OXSR1: variants seen among roughly 807,000 people sequenced by gnomAD.
OXSR1 encodes the protein serine/threonine-protein kinase OSR1.
Under a neutral mutation model 79.8 loss-of-function variants are expected in OXSR1, and 24 were observed. The observed-to-expected ratio is 0.30, with a 90% confidence interval of 0.22 to 0.42. The LOEUF is 0.42. Ranked by LOEUF, OXSR1 falls within the 10% of genes least tolerant of loss-of-function variation. The probability of loss-of-function intolerance (pLI) is 1.00; values close to 1 mark genes in which losing one functional copy is unlikely to be tolerated. For synonymous variants in OXSR1, 226 were observed against 209.2 expected, an observed-to-expected ratio of 1.08 and a Z score of -0.69; for missense variants, 430 against 618.4, an observed-to-expected ratio of 0.70 and a Z score of 3.23.
intron 4 of OXSR1, among the ~76,000 whole-genome samples, chr3:38,208,959 A>T (rs1250911837): frequency 6.8e-6 from 1 of 146,876 alleles, no homozygotes; most frequent in Non-Finnish European, 1.5e-5. Context: ...CCAGTTAAGG[A>T]GTGTGTGTGT....
At chr3:38,204,229 G>A (rs1182670980) in intron 4 of OXSR1, among the ~76,000 whole-genome samples, 6 of 152,108 alleles carry the variant, frequency 3.9e-5, no homozygotes, top group Non-Finnish European at 7.4e-5. Flanking sequence ...TCTCCCTTCA[G>A]GGCAGCTGGC....
At chr3:38,212,483 G>C (rs563612676) in intron 4 of OXSR1, among the ~76,000 whole-genome samples, 1 of 152,282 alleles carries the variant, frequency 6.6e-6, no homozygotes, top group South Asian at 2.1e-4. Flanking sequence ...GGCTGTGACA[G>C]AAATGTTGGA....
At chr3:38,168,548 G>A in intron 1 of OXSR1, among the ~76,000 whole-genome samples, 1 of 152,018 alleles carries the variant, frequency 6.6e-6, no homozygotes. Flanking sequence ...AGATTTACCT[G>A]ATTAAAATGT....
In OXSR1 at chr3:38,251,443, C is replaced by A; in HGVS notation, c.1416C>A (p.Gly472=). 1 of 1,613,396 alleles carries A rather than the reference C, an allele frequency of 6.2e-7. No individual in the cohort carries two copies. Among genetic ancestry groups the A allele is most frequent in the Non-Finnish European group, 8.5e-7 (1 of 1,179,412 alleles). ...EGVSQELISA[G]LVDGRDLVIV... Reference sequence around the variant, plus strand: ...TCTCTCAGGAACTCATTTCTGCTGGCCTGGTCGACGGAAGGGATTTAGTAA... The same window carrying A: ...TCTCTCAGGAACTCATTTCTGCTGGACTGGTCGACGGAAGGGATTTAGTAA... The change falls in exon 16 of 18, where the codon GGC becomes GGA. Residue 472 remains glycine (G), a synonymous_variant. Transcript: ENST00000311806.
Position 38,166,265 on chromosome 3 carries a change from C to G in OXSR1, c.70+319C>G, listed in dbSNP as rs538983124. Among the ~76,000 whole-genome samples, 6 of 152,194 alleles carry G rather than the reference C, an allele frequency of 3.9e-5. No individual in the cohort carries two copies. The East Asian group carries it at 1.2e-3, about 30-fold the overall frequency. On this transcript the variant is annotated intron_variant, in intron 1 of 17. Coordinates refer to ENST00000311806, the MANE Select transcript of OXSR1 (RefSeq NM_005109.3). ...AGAGAAAGAAAGTGCAGGTGTGGGA[C>G]AGGCCTTTCCGAGGCTGTGTGAGAA...
rs548402335 is a variant in OXSR1, at chr3:38,209,931, C to A, written c.435-6165C>A. Reference sequence around the variant, plus strand: ...GCCACCGTGCCCCGGCCAAGAAGTTCTTTTAACATTTCTTGCAAGGCAGGT... The same window carrying A: ...GCCACCGTGCCCCGGCCAAGAAGTTATTTTAACATTTCTTGCAAGGCAGGT... On this transcript the variant is annotated intron_variant, in intron 4 of 17. Transcript: ENST00000311806. Among the ~76,000 whole-genome samples the A allele has an allele frequency of 2.0e-5, 3 of 152,290 alleles. No individual in the cohort carries two copies. In the East Asian group the frequency reaches 5.8e-4, roughly 29 times the overall value.
intron 2 of OXSR1, among the ~76,000 whole-genome samples, chr3:38,183,948 G>A (rs1446460943): frequency 1.3e-5 from 2 of 152,024 alleles, no homozygotes; most frequent in Admixed American, 6.6e-5. Flanking sequence ...ACTTGCTTTG[G>A]ATACCTTTTG....
intron 1 of OXSR1, among the ~76,000 whole-genome samples, chr3:38,181,015 C>G (rs1464860230): frequency 6.6e-6 from 1 of 152,074 alleles, no homozygotes; most frequent in African/African-American, 2.4e-5. Flanking sequence ...CATTCACAGG[C>G]TTTGGGGATT....
At position 38,236,112 on chromosome 3, in the gene OXSR1, G is replaced by A. The variant is rs1171359999; in HGVS notation, c.952-727G>A. ...CTACAGGGGAAATAGAAGTGGTAAT[G>A]TATGATAAGGTTCAGCTCTGAATAT... On this transcript the variant is annotated intron_variant, in intron 10 of 17. Transcript: ENST00000311806. Among the ~76,000 whole-genome samples the A allele has an allele frequency of 3.3e-5, 5 of 152,202 alleles. No homozygotes were observed. The East Asian group carries it at 9.6e-4, about 29-fold the overall frequency.
chr3:38,180,542 T>C (rs1701764787), intron 1 of OXSR1, among the ~76,000 whole-genome samples: 1 of 147,318 alleles, frequency 6.8e-6, no homozygotes, highest in Admixed American at 6.8e-5. Flanking sequence ...TTTTTTTTTT[T>C]TTTTTTTGAG....
At chr3:38,205,059 C>T (rs1416735458) in intron 4 of OXSR1, among the ~76,000 whole-genome samples, 2 of 152,188 alleles carry the variant, frequency 1.3e-5, no homozygotes, top group Admixed American at 6.5e-5. Flanking sequence ...GTGCTGGCTG[C>T]GTTCTGCCTG....
chr3:38,210,081 A>T (rs1419070483), intron 4 of OXSR1, among the ~76,000 whole-genome samples: 1 of 151,602 alleles, frequency 6.6e-6, no homozygotes, highest in Non-Finnish European at 1.5e-5. Context: ...GACACTTTAA[A>T]CAGTTCACTC....
At chr3:38,213,422 G>A (rs551050680) in intron 4 of OXSR1, among the ~76,000 whole-genome samples, 3 of 152,060 alleles carry the variant, frequency 2.0e-5, no homozygotes, top group East Asian at 1.9e-4. Context: ...CAAAGAAAAC[G>A]TGAAAAACTG....
At position 38,186,398 on chromosome 3, in the gene OXSR1, G is replaced by A. The variant is rs528085812; in HGVS notation, c.183+3283G>A. Among the ~76,000 whole-genome samples, 255 of 151,820 alleles carry A rather than the reference G, an allele frequency of 1.7e-3. 3 individuals are homozygous for A. The highest frequency in any genetic ancestry group is 1.8e-3 in the Non-Finnish European group (123 of 67,932). On this transcript the variant is annotated intron_variant, in intron 2 of 17. Transcript: ENST00000311806. ...TAATGCTATGGTTTTTAGTTTATTCGCAAAGTTGTGCAACCATCACCACTA... is the reference window on the plus strand; with the variant it reads ...TAATGCTATGGTTTTTAGTTTATTCACAAAGTTGTGCAACCATCACCACTA...
At chr3:38,224,340 GAAT>G (rs1172979439) in intron 7 of OXSR1, among the ~76,000 whole-genome samples, 2 of 152,308 alleles carry the variant, frequency 1.3e-5, no homozygotes, top group South Asian at 2.1e-4. Flanking sequence ...TTTTAAGGCT[GAAT>G]AATATCCATT....
chr3:38,202,219 G>T (rs1434528481), intron 4 of OXSR1, among the ~76,000 whole-genome samples: 1 of 152,106 alleles, frequency 6.6e-6, no homozygotes, highest in Non-Finnish European at 1.5e-5. Context: ...TGGAGGACGG[G>T]GTCTTTAGAG....
intron 4 of OXSR1, among the ~76,000 whole-genome samples, chr3:38,201,887 T>C (rs1473151173): frequency 6.6e-6 from 1 of 152,154 alleles, no homozygotes; most frequent in Non-Finnish European, 1.5e-5. Context: ...AATTACTCTT[T>C]CTCCATTTTT....
intron 3 of OXSR1, among the ~76,000 whole-genome samples, chr3:38,197,199 G>A (rs1321882410): frequency 6.6e-6 from 1 of 152,236 alleles, no homozygotes; most frequent in Non-Finnish European, 1.5e-5. Flanking sequence ...AAGAACCAGT[G>A]TAATAATGTG....
intron 4 of OXSR1, among the ~76,000 whole-genome samples, chr3:38,204,077 C>A (rs141894798): frequency 1.1e-4 from 17 of 152,298 alleles, no homozygotes; most frequent in Non-Finnish European, 1.6e-4. Flanking sequence ...TCTTCCCCCC[C>A]CTTTCCACAA....
Sources: allele counts gnomAD v4.1 joint callset (sites outside exome capture counted in the v4.1 genomes callset), GRCh38; gene constraint gnomAD v4.1.1; transcripts MANE v1.5; gene names NCBI Gene and HGNC (gene_info 2026-07-23, HGNC 2026-07-21).